FABP6: variants seen among roughly 807,000 people sequenced by gnomAD.
The protein encoded by FABP6 is fatty acid binding protein 6.
FABP6 carries 13 observed loss-of-function variants against 14.9 expected under a neutral mutation model. The observed-to-expected ratio is 0.87, with a 90% CI of 0.57 to 1.39. The LOEUF (loss-of-function observed/expected upper bound fraction) is 1.39, where lower values mean the gene tolerates loss of function less well. Ranked by LOEUF, FABP6 falls within the 40% of genes most tolerant of loss-of-function variation. FABP6 has a pLI of 0.00. For synonymous variants in FABP6, 75 were observed against 63.6 expected, an observed-to-expected ratio of 1.18 and a Z score of -0.85; for missense variants, 161 against 167.2, an observed-to-expected ratio of 0.96 and a Z score of 0.20.
intron 3 of FABP6, among the ~76,000 whole-genome samples, chr5:160,214,974 C>G (rs1034462131): frequency 4.6e-5 from 7 of 152,178 alleles, no homozygotes; most frequent in African/African-American, 1.7e-4. Flanking sequence ...TCAGAGGTCA[C>G]TATCCTCCAC....
intron 2 of FABP6, among the ~76,000 whole-genome samples, chr5:160,211,997 T>C (rs1394623454): frequency 1.3e-5 from 2 of 149,676 alleles, no homozygotes; most frequent in East Asian, 3.9e-4. Flanking sequence ...TTTTTTTTTT[T>C]TTTTTTTGAG....
intron 2 of FABP6, among the ~76,000 whole-genome samples, chr5:160,206,419 CT>C: frequency 6.6e-6 from 1 of 152,152 alleles, no homozygotes; most frequent in Non-Finnish European, 1.5e-5. Flanking sequence ...CAGAGCAAGA[CT>C]CTGTCTCAAA....
chr5:160,226,705 T>A (rs1406775784), upstream of FABP6, among the ~76,000 whole-genome samples: 2 of 152,142 alleles, frequency 1.3e-5, no homozygotes, highest in Non-Finnish European at 2.9e-5. Flanking sequence ...AGATCATTCA[T>A]GTAAAACACT....
Position 160,220,846 on chromosome 5 carries a change from G to C in FABP6, c.135+7027G>C, listed in dbSNP as rs528091595. On this transcript the variant is annotated intron_variant, in intron 3 of 6. Coordinates refer to the FABP6 transcript ENST00000393980. ...CTCACGCCTGTAATCCCAGCAGTTT[G>C]GGAGGCTGAGGTGGGTGGATCATTT... is the stretch of plus-strand genomic sequence containing the variant. 1.8e-4 allele frequency among the ~76,000 whole-genome samples: 27 copies of C among 152,122 alleles called. 1 individual carries two copies. The East Asian group carries it at 5.0e-3, about 28-fold the overall frequency.
chr5:160,194,612 C>A (rs1233096226), intron 1 of FABP6, among the ~76,000 whole-genome samples: 7 of 152,062 alleles, frequency 4.6e-5, no homozygotes, highest in Non-Finnish European at 1.0e-4. Context: ...CTGAGCTGGG[C>A]CTCTCACCAG....
At chr5:160,191,203 T>C (rs969980264) in intron 1 of FABP6, among the ~76,000 whole-genome samples, 3 of 151,946 alleles carry the variant, frequency 2.0e-5, no homozygotes, top group African/African-American at 7.3e-5. Flanking sequence ...CAGTGGCTCA[T>C]GCCTGTAATC....
chr5:160,187,769 T>A (rs544074283), intron 1 of FABP6, among the ~76,000 whole-genome samples: 142 of 125,578 alleles, frequency 1.1e-3, no homozygotes, highest in African/African-American at 3.9e-3. Context: ...TTATTTATTT[T>A]TTGAGACAGT....
chr5:160,188,911 C>T (rs920815640), intron 1 of FABP6, among the ~76,000 whole-genome samples: 1 of 152,182 alleles, frequency 6.6e-6, no homozygotes, highest in African/African-American at 2.4e-5. Context: ...TCCAGTCTGC[C>T]GCCTTGAGAG....
At chr5:160,194,196 G>A (rs1759463432) in intron 1 of FABP6, among the ~76,000 whole-genome samples, 1 of 152,186 alleles carries the variant, frequency 6.6e-6, no homozygotes, top group Non-Finnish European at 1.5e-5. Flanking sequence ...CCCAGTGCGG[G>A]ACCCACCAAG....
intron 2 of FABP6, among the ~76,000 whole-genome samples, chr5:160,208,081 T>C (rs1261662173): frequency 4.6e-5 from 7 of 152,206 alleles, no homozygotes; most frequent in African/African-American, 1.7e-4. Context: ...AAAAAATTTC[T>C]GAATTTTATG....
intron 2 of FABP6, among the ~76,000 whole-genome samples, chr5:160,232,662 C>T (rs1410267606): frequency 1.3e-5 from 2 of 151,928 alleles, no homozygotes; most frequent in East Asian, 1.9e-4. Flanking sequence ...TTTGGGAGGC[C>T]GAGGTGGGTG....
At chr5:160,204,462 C>G (rs551667195) in intron 2 of FABP6, among the ~76,000 whole-genome samples, 30 of 152,316 alleles carry the variant, frequency 2.0e-4, no homozygotes, top group Middle Eastern at 3.4e-3. Context: ...CCAGCTCCCC[C>G]TCATCCCCTG....
At chr5:160,197,833 C>T (rs1013584114) in intron 1 of FABP6, 5 of 152,100 alleles carry the variant, frequency 3.3e-5, no homozygotes, top group African/African-American at 1.2e-4. Flanking sequence ...TCAGCCTCCC[C>T]CTGCTCCGGA....
At chr5:160,202,626 C>T (rs529169069) in intron 2 of FABP6, among the ~76,000 whole-genome samples, 63 of 151,988 alleles carry the variant, frequency 4.1e-4, no homozygotes, top group African/African-American at 1.1e-3. Flanking sequence ...GAAACCCCGT[C>T]TCTACTAAAA....
intron 3 of FABP6, among the ~76,000 whole-genome samples, chr5:160,236,010 A>G (rs1760506134): frequency 7.1e-6 from 1 of 141,134 alleles, no homozygotes; most frequent in Admixed American, 7.2e-5. Context: ...CATCTCTCTC[A>G]TGTCTGTTTT....
intron 2 of FABP6, among the ~76,000 whole-genome samples, chr5:160,211,871 C>A (rs1053204565): frequency 1.3e-5 from 2 of 152,182 alleles, no homozygotes; most frequent in Admixed American, 6.5e-5. Context: ...ATAGGCCCTG[C>A]CCTGCACAGG....
intron 2 of FABP6, among the ~76,000 whole-genome samples, chr5:160,233,170 T>C (rs1760429846): frequency 6.6e-6 from 1 of 151,800 alleles, no homozygotes; most frequent in African/African-American, 2.4e-5. Flanking sequence ...TTAGCTGAGA[T>C]AGGGTTTCAT....
upstream of FABP6, among the ~76,000 whole-genome samples, chr5:160,225,384 T>C (rs1760222190): frequency 6.7e-6 from 1 of 148,950 alleles, no homozygotes; most frequent in Non-Finnish European, 1.5e-5. Flanking sequence ...CATGAGTCAC[T>C]GGGCCCAGCC....
intron 2 of FABP6, among the ~76,000 whole-genome samples, chr5:160,204,490 CT>C (rs1156565919): frequency 1.3e-5 from 2 of 151,828 alleles, no homozygotes; most frequent in Non-Finnish European, 2.9e-5. Flanking sequence ...TTTTCTTTTC[CT>C]TTTTTAGGGG....
Sources: allele counts gnomAD v4.1 joint callset (sites outside exome capture counted in the v4.1 genomes callset), GRCh38; gene constraint gnomAD v4.1.1; transcripts MANE v1.5; gene names NCBI Gene and HGNC (gene_info 2026-07-23, HGNC 2026-07-21).